TFR2: variants seen among roughly 807,000 people sequenced by gnomAD.
TFR2 encodes transferrin receptor 2.
A neutral mutation model predicts 91.9 loss-of-function variants in TFR2; 64 were observed. The ratio of observed to expected loss-of-function variants is 0.70; its 90% confidence interval spans 0.57 to 0.86. TFR2 has a LOEUF of 0.86. TFR2 is among the 40% of genes least tolerant of loss of function. The probability of loss-of-function intolerance (pLI) is 0.00; values close to 1 mark genes in which losing one functional copy is unlikely to be tolerated. For synonymous variants in TFR2, 454 were observed against 459.6 expected (o/e 0.99, Z 0.15); for missense variants, 950 against 1,080.5 (o/e 0.88, Z 1.69).
In TFR2 at chr7:100,620,558, C is replaced by T. The variant is rs41296654; in HGVS notation, c.*299G>A. On this transcript the variant is annotated 3_prime_UTR_variant, in exon 18 of 18. Transcript: ENST00000223051. ...CAGGTCCCAGGGCCTAGCAAACCTC[C>T]CAGAGTGGTCTCTAGGTATGGAGGA... 3.9e-5 allele frequency: 14 copies of T among 357,102 alleles called. No homozygotes were observed. In the East Asian group the frequency reaches 7.2e-4, roughly 18 times the overall value. 22.1% of individuals were successfully genotyped at this position (357,102 alleles called of 1,614,324 possible). A position where few individuals can be genotyped will look rare whatever the true frequency, so the allele number is the denominator to read the frequency against.
intron 3 of TFR2, among the ~76,000 whole-genome samples, chr7:100,634,538 C>G (rs561025648): frequency 6.6e-6 from 1 of 152,272 alleles, no homozygotes; most frequent in East Asian, 1.9e-4. Context: ...CATGACGACC[C>G]GCCCCATATG....
chr7:100,640,655 C>G, intron 3 of TFR2, 31 bp downstream of exon 3: 2 of 1,606,192 alleles, frequency 1.2e-6, no homozygotes, highest in Non-Finnish European at 1.7e-6. Context: ...GAGGGACACT[C>G]GAGAACAGGA....
chr7:100,628,356 C>A (rs1222663504), intron 10 of TFR2, 50 bp from the exon 11 acceptor site: 27 of 1,570,792 alleles, frequency 1.7e-5, no homozygotes, highest in Non-Finnish European at 2.3e-5. Context: ...CAAGCAAAGA[C>A]CCTCCCCTTG....
intron 8 of TFR2, 74 bp downstream of exon 8, chr7:100,631,732 C>T (rs1402942724): frequency 6.4e-7 from 1 of 1,558,456 alleles, no homozygotes; most frequent in Admixed American, 1.9e-5. Context: ...AGTTCACCCA[C>T]AATCACCCTG....
rs771822800 is a variant in TFR2 at position 100,628,212 on chromosome 7, AC to A, written c.1473+11del. Reference sequence around the variant, plus strand: ...CCCAATGCCTAACGACCTGCCCGGGACCCCGTATCACCTCTAGCCACTCCGT... The same window carrying A: ...CCCAATGCCTAACGACCTGCCCGGGACCCGTATCACCTCTAGCCACTCCGT... On this transcript the variant is annotated intron_variant, in intron 11 of 17. Transcript: ENST00000223051. The A allele has an allele frequency of 3.3e-6, 5 of 1,526,860 alleles. No individual in the cohort carries two copies. The highest frequency in any genetic ancestry group is 4.4e-6 in the Non-Finnish European group (5 of 1,124,444). The allele number at this position is 1,526,860 out of a possible 1,614,324, so 94.6% of individuals were successfully genotyped here.
chr7:100,640,797 T>C lies in TFR2; in HGVS notation c.362A>G (p.Asp121Gly). 6.2e-7 allele frequency: 1 copy of C among 1,614,068 alleles called. No homozygotes were observed. Among genetic ancestry groups the C allele is most frequent in the Non-Finnish European group, 8.5e-7 (1 of 1,180,014 alleles). ...ATCCAGGTCAGGCTCATAGTTGACA[T>C]CCTCACTGACCACCAACACAGAGTC... Reference protein sequence around the residue: ...CGDSVLVVSEDVNYEPDLDFH... With the variant: ...CGDSVLVVSEGVNYEPDLDFH... The change falls in exon 3 of 18, where the codon GAT (aspartate) becomes GGT (glycine). Residue 121 changes from aspartate (D) to glycine (G), a missense_variant. Transcript: ENST00000223051.
chr7:100,629,958 A>G (rs910273904), intron 9 of TFR2, among the ~76,000 whole-genome samples: 12 of 152,036 alleles, frequency 7.9e-5, no homozygotes, highest in African/African-American at 2.7e-4. Context: ...GTTAGCCAGG[A>G]TGGTCTCGAT....
At chr7:100,624,037 C>T (rs892584610) in intron 17 of TFR2, among the ~76,000 whole-genome samples, 3 of 151,974 alleles carry the variant, frequency 2.0e-5, no homozygotes, top group Non-Finnish European at 4.4e-5. Flanking sequence ...GTCTGGGTGA[C>T]ATTAAGACAC....
Position 100,620,986 on chromosome 7 carries a change from G to C in TFR2, c.2277C>G (p.Pro759=), listed in dbSNP as rs748376968. Residue 759 remains proline, a synonymous_variant, in exon 18 of 18, where the codon CCC becomes CCG. Transcript: ENST00000223051. ...RLLRSNSSGT[P]GATSSTGFQE... is the part of the protein sequence containing the mutation. ...GGAAGCCAGTGGAGGAGGTGGCCCCGGGGGTCCCGGAGCTGTTGGAGCGCA... is the reference window on the plus strand; with the variant it reads ...GGAAGCCAGTGGAGGAGGTGGCCCCCGGGGTCCCGGAGCTGTTGGAGCGCA... The C allele has an allele frequency of 6.2e-7, 1 of 1,610,626 alleles. No individual in the cohort carries two copies. Among genetic ancestry groups the C allele is most frequent in the Middle Eastern group, 1.7e-4 (1 of 5,744 alleles).
At chr7:100,634,856 C>T (rs912470666) in intron 3 of TFR2, among the ~76,000 whole-genome samples, 3 of 152,214 alleles carry the variant, frequency 2.0e-5, no homozygotes, top group East Asian at 3.8e-4. Flanking sequence ...AGTTCCTCAA[C>T]GAAGCCTTCC....
intron 3 of TFR2, among the ~76,000 whole-genome samples, chr7:100,638,579 G>A (rs9801017): frequency 0.65 from 97,912 of 151,190 alleles, 31,981 homozygotes; most frequent in East Asian, 0.78. Flanking sequence ...GTGAAACCCC[G>A]TCTCTACTAA....
intron 17 of TFR2, 181 bp downstream of exon 17, chr7:100,626,582 G>A: frequency 7.0e-7 from 1 of 1,420,732 alleles, no homozygotes; most frequent in Non-Finnish European, 9.2e-7. Flanking sequence ...GATCGCTCGG[G>A]TCCTCCAGCC....
chr7:100,631,305 CTTTTTTTTTTTTT>C (rs542161282), intron 8 of TFR2, among the ~76,000 whole-genome samples: 3 of 95,720 alleles, frequency 3.1e-5, no homozygotes, highest in Admixed American at 1.2e-4. Context: ...AGAAGAGTCA[CTTTTTTTTTTTTT>C]TTTTTTTTTT....
rs758539890 is a variant in TFR2, at chr7:100,626,897, C to T, written c.2002G>A (p.Gly668Arg). The change falls in exon 17 of 18, where the codon GGG becomes AGG. Residue 668 changes from glycine to arginine, a missense_variant. By Grantham distance (125) the Gly-to-Arg change is moderately radical. Transcript: ENST00000223051. ...GAGTACACCCACTGCAGGGTCAGCC[C>T]GCGGGCCTGGGGTGGGGAGGCGCGG... Reference protein sequence around the residue: ...NEFSGDLKARGLTLQWVYSAR... With the variant: ...NEFSGDLKARRLTLQWVYSAR... 33 of 1,539,576 alleles carry T rather than the reference C, an allele frequency of 2.1e-5. No individual in the cohort carries two copies. The highest frequency in any genetic ancestry group is 2.6e-5 in the Non-Finnish European group (30 of 1,145,786).
chr7:100,640,860 C>T lies in TFR2; in HGVS notation c.299G>A (p.Gly100Asp). The change falls in exon 3 of 18, where the codon GGC (glycine) becomes GAC (aspartate). Residue 100 changes from glycine (G) to aspartate (D), a missense_variant. Transcript: ENST00000223051. ...GCAGGACCCTCGGAAGGCGACGTAG[C>T]CCAGTAGGAAGGCTGGCGGGTGGCA... Reference protein sequence around the residue: ...LLIFTGAFLLGYVAFRGSCQA... With the variant: ...LLIFTGAFLLDYVAFRGSCQA... The T allele has an allele frequency of 6.2e-7, 1 of 1,614,104 alleles. No homozygotes were observed. The highest frequency in any genetic ancestry group is 8.5e-7 in the Non-Finnish European group (1 of 1,180,022).
At chr7:100,631,733 A>T in intron 8 of TFR2, 73 bp downstream of exon 8, 1 of 1,561,174 alleles carries the variant, frequency 6.4e-7, no homozygotes. Flanking sequence ...GTTCACCCAC[A>T]ATCACCCTGT....
At chr7:100,628,530 G>T (rs1379314910) in intron 10 of TFR2, among the ~76,000 whole-genome samples, 1 of 152,000 alleles carries the variant, frequency 6.6e-6, no homozygotes, top group African/African-American at 2.4e-5. Flanking sequence ...CTCCCAAGTA[G>T]CTGGGATTAC....
In TFR2 at chr7:100,624,773, G is replaced by C. The variant is rs914133339; in HGVS notation, c.2136+1990C>G. Among the ~76,000 whole-genome samples the C allele has an allele frequency of 2.6e-5, 4 of 152,024 alleles. No individual in the cohort carries two copies. In the East Asian group the frequency reaches 7.8e-4, roughly 30 times the overall value. On this transcript the variant is annotated intron_variant, in intron 17 of 17. Coordinates refer to ENST00000223051, the MANE Select transcript of TFR2 (RefSeq NM_003227.4). The stretch of plus-strand genomic sequence containing the variant: ...TCCCAGCTACTCAGGAGGCTGAGGT[G>C]AGGTGAGAGGATTGCTTGAGCCCGG...
chr7:100,634,384 C>T (rs1185228629), intron 3 of TFR2, among the ~76,000 whole-genome samples: 5 of 152,050 alleles, frequency 3.3e-5, no homozygotes, highest in Admixed American at 1.3e-4. Flanking sequence ...GCCTCCTGAG[C>T]AGCTGGGACT....
Sources: allele counts gnomAD v4.1 joint callset (sites outside exome capture counted in the v4.1 genomes callset), GRCh38; gene constraint gnomAD v4.1.1; transcripts MANE v1.5; gene names NCBI Gene and HGNC (gene_info 2026-07-23, HGNC 2026-07-21).